CA10: variants seen among roughly 807,000 people sequenced by gnomAD.
CA10 encodes the protein carbonic anhydrase 10 (inactive).
CA10 carries 14 observed loss-of-function variants against 44.2 expected under a neutral mutation model. The ratio of observed to expected loss-of-function variants is 0.32; its 90% CI spans 0.21 to 0.50. CA10 has a LOEUF of 0.50. Among genes scored for constraint, CA10 ranks in the 20% least tolerant of loss-of-function variants. The pLI, the probability that CA10 is intolerant of heterozygous loss-of-function variation, is 0.99. For synonymous variants in CA10, 159 were observed against 141.6 expected, an observed-to-expected ratio of 1.12 and a Z score of -0.87; for missense variants, 350 against 409.7, an observed-to-expected ratio of 0.85 and a Z score of 1.26.
chr17:51,977,757 A>C (rs1984512057), intron 2 of CA10, among the ~76,000 whole-genome samples: 1 of 152,138 alleles, frequency 6.6e-6, no homozygotes. Flanking sequence ...GTTTATAGAC[A>C]CTGTGATTGT....
intron 2 of CA10, among the ~76,000 whole-genome samples, chr17:51,959,428 C>T (rs1278333001): frequency 1.3e-5 from 2 of 151,604 alleles, no homozygotes; most frequent in Admixed American, 6.6e-5. Context: ...GAACCTAAAG[C>T]CCTGCCATTT....
chr17:52,028,667 G>A (rs1321892185), intron 2 of CA10, among the ~76,000 whole-genome samples: 1 of 152,106 alleles, frequency 6.6e-6, no homozygotes, highest in African/African-American at 2.4e-5. Context: ...CCTGGGTGTG[G>A]ACAAAATAAG....
At chr17:51,847,767 C>T (rs1978561836) in intron 3 of CA10, among the ~76,000 whole-genome samples, 1 of 152,122 alleles carries the variant, frequency 6.6e-6, no homozygotes. Context: ...ACCAAAGCTT[C>T]TAGACAGCAC....
intron 1 of CA10, among the ~76,000 whole-genome samples, chr17:52,079,137 T>C (rs1467986819): frequency 1.3e-5 from 2 of 152,060 alleles, no homozygotes; most frequent in Non-Finnish European, 2.9e-5. Flanking sequence ...ATATAAAAAA[T>C]TAGCCGGGCG....
intron 3 of CA10, among the ~76,000 whole-genome samples, chr17:51,865,557 G>A (rs1042024817): frequency 6.6e-6 from 1 of 152,160 alleles, no homozygotes. Context: ...ATGGCCTCAG[G>A]GAGCCGGTGG....
intron 3 of CA10, among the ~76,000 whole-genome samples, chr17:51,869,855 C>T (rs1979724541): frequency 6.6e-6 from 1 of 152,184 alleles, no homozygotes; most frequent in Non-Finnish European, 1.5e-5. Context: ...CTCAACTACC[C>T]AAAGTGGTGT....
intron 1 of CA10, among the ~76,000 whole-genome samples, chr17:52,082,077 TA>T (rs1314790011): frequency 6.6e-6 from 1 of 152,156 alleles, no homozygotes; most frequent in Non-Finnish European, 1.5e-5. Flanking sequence ...GTCTCAAGGG[TA>T]AAAATGTTGT....
intron 3 of CA10, among the ~76,000 whole-genome samples, chr17:51,809,967 C>T (rs1481639752): frequency 6.6e-6 from 1 of 152,178 alleles, no homozygotes; most frequent in Non-Finnish European, 1.5e-5. Context: ...TGAAGTGATA[C>T]ATATAAGCCA....
At chr17:51,893,229 C>T (rs1980935082) in intron 3 of CA10, among the ~76,000 whole-genome samples, 1 of 152,046 alleles carries the variant, frequency 6.6e-6, no homozygotes, top group African/African-American at 2.4e-5. Context: ...CATGAAACCA[C>T]ACTGGTTCTG....
intron 2 of CA10, among the ~76,000 whole-genome samples, chr17:51,968,756 T>C (rs1984171494): frequency 2.6e-5 from 4 of 151,898 alleles, no homozygotes; most frequent in Admixed American, 1.3e-4. Context: ...AGCTTCTACA[T>C]TGTAATCTAA....
chr17:51,857,344 G>T lies in CA10; in HGVS notation c.279+73646C>A, dbSNP rs368964130. On this transcript the variant is annotated intron_variant, in intron 3 of 8. Transcript: ENST00000451037. ...GCGAAGACTAGAGAAAAGGCTATCC[G>T]ATTCAAAAGGCTGCTTTACTCCCAC... Among the ~76,000 whole-genome samples the T allele has an allele frequency of 1.1e-4, 17 of 152,092 alleles. 1 individual carries two copies. In the East Asian group the frequency reaches 1.5e-3, roughly 14 times the overall value.
intron 1 of CA10, among the ~76,000 whole-genome samples, chr17:52,087,767 A>G (rs771148239): frequency 1.3e-5 from 2 of 152,220 alleles, no homozygotes; most frequent in Non-Finnish European, 2.9e-5. Context: ...ACAACATAGA[A>G]TTATACATGT....
intron 1 of CA10, among the ~76,000 whole-genome samples, chr17:52,123,327 ATG>A (rs36182455): frequency 0.019 from 2,744 of 146,414 alleles, 28 homozygotes; most frequent in South Asian, 0.039. Context: ...TTACATATAT[ATG>A]TGTGTGTGTG....
At chr17:51,897,710 C>T (rs73348433) in intron 3 of CA10, among the ~76,000 whole-genome samples, 21,807 of 151,824 alleles carry the variant, frequency 0.14, 2,606 homozygotes, top group African/African-American at 0.33. Flanking sequence ...ATAATGTGTT[C>T]CCATTTGTTT....
At chr17:52,024,404 C>T (rs188056765) in intron 2 of CA10, among the ~76,000 whole-genome samples, 22 of 152,068 alleles carry the variant, frequency 1.4e-4, no homozygotes, top group Non-Finnish European at 8.8e-5. Flanking sequence ...GATCTGCAGT[C>T]CTAGTCACCA....
At chr17:51,796,638 G>A (rs545476262) in intron 3 of CA10, among the ~76,000 whole-genome samples, 132 of 152,272 alleles carry the variant, frequency 8.7e-4, no homozygotes, top group Admixed American at 1.9e-3. Context: ...TCACAAAATT[G>A]TATTGCTCTG....
At chr17:52,002,813 TACC>T (rs1441106513) in intron 2 of CA10, among the ~76,000 whole-genome samples, 1 of 151,928 alleles carries the variant, frequency 6.6e-6, no homozygotes, top group Non-Finnish European at 1.5e-5. Context: ...GTTTGCTTAT[TACC>T]ATGTATTTAG....
intron 3 of CA10, among the ~76,000 whole-genome samples, chr17:51,927,810 G>T (rs1217693283): frequency 6.6e-6 from 1 of 152,078 alleles, no homozygotes; most frequent in Non-Finnish European, 1.5e-5. Flanking sequence ...TTCATATATG[G>T]AAACTTTAAG....
At chr17:51,957,417 C>T (rs1983707196) in intron 2 of CA10, among the ~76,000 whole-genome samples, 2 of 152,032 alleles carry the variant, frequency 1.3e-5, no homozygotes, top group Admixed American at 1.3e-4. Context: ...TTGCTACTCC[C>T]TGAATATATG....
Sources: gnomAD v4.1 joint callset for allele counts (sites outside exome capture counted in the v4.1 genomes callset) on GRCh38, gnomAD v4.1.1 for gene constraint, MANE v1.5 for transcripts, NCBI Gene and HGNC (gene_info 2026-07-23, HGNC 2026-07-21) for gene names.